The following MORC1 variants were observed in gnomAD, a reference collection of about 807,000 sequenced individuals.
MORC1 encodes MORC family CW-type zinc finger protein 1.
Under a neutral mutation model 134.9 loss-of-function variants are expected in MORC1, and 59 were observed. The observed-to-expected ratio is 0.44, with a 90% CI of 0.35 to 0.54. MORC1 has a LOEUF of 0.54. Among genes scored for constraint, MORC1 ranks in the 20% least tolerant of loss-of-function variants. The pLI, the probability that MORC1 is intolerant of heterozygous loss-of-function variation, is 0.00. For missense variants in MORC1, 947 were observed against 1,134.5 expected (o/e 0.83, Z 2.37); for synonymous variants, 395 against 391.7 (o/e 1.01, Z -0.10).
chr3:108,986,975 A>G, intron 21 of MORC1, 26 bp from the exon 22 acceptor site: 1 of 1,530,164 alleles, frequency 6.5e-7, no homozygotes, highest in Non-Finnish European at 8.8e-7. Flanking sequence ...TTTATTTAAA[A>G]CTGTACAAAA....
At chr3:108,969,311 C>T (rs990201122) in intron 26 of MORC1, among the ~76,000 whole-genome samples, 4 of 152,090 alleles carry the variant, frequency 2.6e-5, no homozygotes, top group African/African-American at 9.7e-5. Context: ...ACTTAAAAAA[C>T]TCAGAGCGAT....
chr3:109,091,822 T>C (rs1011276115), intron 8 of MORC1, among the ~76,000 whole-genome samples: 1 of 152,210 alleles, frequency 6.6e-6, no homozygotes, highest in Admixed American at 6.5e-5. Flanking sequence ...GTGTGATCTA[T>C]GTGCCAAAGT....
Position 109,096,954 on chromosome 3 carries a change from T to C in MORC1, c.424-1886A>G, listed in dbSNP as rs141973782. On this transcript the variant is annotated intron_variant, in intron 6 of 27. Coordinates refer to ENST00000232603, the MANE Select transcript of MORC1 (RefSeq NM_014429.4). Reference sequence around the variant, plus strand: ...TTAGAGAACCACTTCCAGAATACAATAGCTAAAAAACAGGAGTTACAAAAG... The same window carrying C: ...TTAGAGAACCACTTCCAGAATACAACAGCTAAAAAACAGGAGTTACAAAAG... Among the ~76,000 whole-genome samples, 672 of 151,530 alleles carry C rather than the reference T, an allele frequency of 4.4e-3. 3 individuals carry two copies. Among genetic ancestry groups the C allele is most frequent in the African/African-American group, 0.015 (619 of 41,430 alleles).
chr3:109,047,113 G>C (rs1949712888), intron 14 of MORC1, among the ~76,000 whole-genome samples: 1 of 152,114 alleles, frequency 6.6e-6, no homozygotes, highest in African/African-American at 2.4e-5. Flanking sequence ...CTTTATTACA[G>C]GGAAGTGAAC....
chr3:108,976,027 A>G (rs1169140526), intron 24 of MORC1, among the ~76,000 whole-genome samples: 1 of 152,204 alleles, frequency 6.6e-6, no homozygotes, highest in Non-Finnish European at 1.5e-5. Flanking sequence ...CATACTGTTG[A>G]CAATTCAATC....
At chr3:109,014,143 G>A (rs752645765) in intron 17 of MORC1, among the ~76,000 whole-genome samples, 70 of 152,174 alleles carry the variant, frequency 4.6e-4, no homozygotes, top group Admixed American at 2.2e-3. Context: ...GCTCTTAGAA[G>A]ACTTTCAGAA....
At chr3:108,977,356 GATAGCTATTATTGTT>G (rs1947590747) in intron 24 of MORC1, among the ~76,000 whole-genome samples, 1 of 152,172 alleles carries the variant, frequency 6.6e-6, no homozygotes, top group South Asian at 2.1e-4. Flanking sequence ...GTTCAAACCT[GATAGCTATTATTGTT>G]ATAGCTATTA....
At chr3:109,052,277 A>C (rs1205958246) in intron 14 of MORC1, among the ~76,000 whole-genome samples, 1 of 152,208 alleles carries the variant, frequency 6.6e-6, no homozygotes. Flanking sequence ...TCTGAAAAAA[A>C]AATACATGTG....
In MORC1 at chr3:108,989,543, G is replaced by A. The variant is rs79407192; in HGVS notation, c.2188-2594C>T. ...AATAAGTCAGAGGAAAAAAGAACAC[G>A]CCACAGGCAGCTGTGCAACACCTAT... On this transcript the variant is annotated intron_variant, in intron 21 of 27. Coordinates refer to ENST00000232603, the MANE Select transcript of MORC1 (RefSeq NM_014429.4). Among the ~76,000 whole-genome samples the A allele has an allele frequency of 6.7e-3, 1,015 of 152,150 alleles. 12 individuals are homozygous for A. The highest frequency in any genetic ancestry group is 0.023 in the African/African-American group (937 of 41,518).
chr3:109,100,382 A>T, intron 5 of MORC1, 35 bp downstream of exon 5: 1 of 1,447,576 alleles, frequency 6.9e-7, no homozygotes. Flanking sequence ...TCCCAGTATC[A>T]ATAATATATG....
intron 8 of MORC1, among the ~76,000 whole-genome samples, chr3:109,080,125 G>A (rs1427144928): frequency 6.6e-6 from 1 of 152,090 alleles, no homozygotes; most frequent in Non-Finnish European, 1.5e-5. Flanking sequence ...TCATGTATTA[G>A]TCCATTTTCA....
intron 22 of MORC1, 100 bp from the exon 23 acceptor site, chr3:108,984,882 G>A: frequency 2.5e-6 from 2 of 795,182 alleles, no homozygotes; most frequent in South Asian, 1.8e-5. Context: ...TGTATAATAT[G>A]GATTTGTATT....
At chr3:109,060,152 G>A (rs1950046395) in intron 11 of MORC1, among the ~76,000 whole-genome samples, 1 of 151,760 alleles carries the variant, frequency 6.6e-6, no homozygotes, top group Non-Finnish European at 1.5e-5. Context: ...CAACGGCTTT[G>A]ACAAAAACTA....
intron 24 of MORC1, among the ~76,000 whole-genome samples, chr3:108,979,307 C>A (rs1214295797): frequency 6.6e-6 from 1 of 152,154 alleles, no homozygotes; most frequent in Non-Finnish European, 1.5e-5. Context: ...TACTGCCAGA[C>A]TATGTAACAA....
In MORC1 at chr3:108,959,017, T is replaced by C. The variant is rs1240837492; in HGVS notation, c.2903A>G (p.Asp968Gly). ...TTCTAAAGGGAGTCTATGTCTTGCA[T>C]CTATAGTTACTTTATTTAAATTGTT... ...FQNNLNKVTI[D>G]ARHRLPLEKN... The change falls in exon 28 of 28, where the codon GAT (aspartate) becomes GGT (glycine). Residue 968 changes from aspartate to glycine, a missense_variant. Around this residue, in one of 3 missense-constraint regions of MORC1, gnomAD observed 722 missense variants for 817.0 expected, o/e 0.88. Transcript: ENST00000232603. 2 of 1,551,382 alleles carry C rather than the reference T, an allele frequency of 1.3e-6. No individual in the cohort carries two copies. Among genetic ancestry groups the C allele is most frequent in the East Asian group, 4.9e-5 (2 of 40,550 alleles).
At position 109,044,359 on chromosome 3, in the gene MORC1, C is replaced by A. The variant is rs976461675; in HGVS notation, c.1331-8891G>T. On this transcript the variant is annotated intron_variant, in intron 14 of 27. Transcript: ENST00000232603. Reference sequence around the variant, plus strand: ...GGATCGCGAGGTCAGGAGATCCAGACCATCCTGGCTAACACAGTGAAACCC... The same window carrying A: ...GGATCGCGAGGTCAGGAGATCCAGAACATCCTGGCTAACACAGTGAAACCC... 1.8e-3 allele frequency among the ~76,000 whole-genome samples: 279 copies of A among 151,124 alleles called. 2 individuals are homozygous for A. The highest frequency in any genetic ancestry group is 1.0e-3 in the Non-Finnish European group (69 of 67,772).
At chr3:109,090,783 T>A (rs1391351000) in intron 8 of MORC1, among the ~76,000 whole-genome samples, 1 of 152,108 alleles carries the variant, frequency 6.6e-6, no homozygotes, top group African/African-American at 2.4e-5. Context: ...AGCAGGACTC[T>A]AATATCTAAG....
chr3:109,058,522 TAATTA>T (rs923621797), intron 12 of MORC1, among the ~76,000 whole-genome samples: 8 of 152,090 alleles, frequency 5.3e-5, no homozygotes, highest in African/African-American at 9.7e-5. Flanking sequence ...CTTATTGGAC[TAATTA>T]AATGCATCTA....
chr3:108,986,758 A>G (rs1410285995), intron 22 of MORC1, 122 bp downstream of exon 22: 18 of 685,158 alleles, frequency 2.6e-5, no homozygotes, highest in Non-Finnish European at 4.0e-5. Context: ...AACAAACTTA[A>G]TTTTTTAAAA....
Sources: gnomAD v4.1 joint callset for allele counts (sites outside exome capture counted in the v4.1 genomes callset) on GRCh38, gnomAD v4.1.1 for gene constraint, gnomAD v4.1.1 regional missense constraint, MANE v1.5 for transcripts, NCBI Gene and HGNC (gene_info 2026-07-23, HGNC 2026-07-21) for gene names.